SLC25A30: variants seen among roughly 807,000 people sequenced by gnomAD.
SLC25A30 encodes the protein solute carrier family 25 member 30.
A neutral mutation model predicts 42.7 loss-of-function variants in SLC25A30; 29 were observed. That is an observed-to-expected ratio of 0.68 (90% CI 0.51 to 0.93). SLC25A30 has a LOEUF of 0.93. Among genes scored for constraint, SLC25A30 ranks in the 40% least tolerant of loss-of-function variants. The pLI is 0.00. For synonymous variants in SLC25A30, 124 were observed against 131.0 expected, an observed-to-expected ratio of 0.95 and a Z score of 0.37; for missense variants, 300 against 359.7, an observed-to-expected ratio of 0.83 and a Z score of 1.34.
chr13:45,423,741 A>AATATATAAATATATATAAAC, the SLC25A30 span, among the ~76,000 whole-genome samples: 2 of 19,636 alleles, frequency 1.0e-4, 1 homozygote, highest in African/African-American at 6.2e-4. Context: ...AATATATATA[A>AATATATAAATATATATAAAC]ATATATAAAT....
At chr13:45,425,575 T>C in the SLC25A30 span, among the ~76,000 whole-genome samples, 4 of 79,432 alleles carry the variant, frequency 5.0e-5, 1 homozygote, top group African/African-American at 1.1e-4. Flanking sequence ...TATATATAAG[T>C]ATATATATAA....
rs1883019563 is a variant in SLC25A30 at position 45,411,446 on chromosome 13, G to A, written c.-21C>T. On this transcript the variant is annotated 5_prime_UTR_variant, in exon 2 of 10. Transcript: ENST00000519676. The stretch of plus-strand genomic sequence containing the variant: ...GACATTCTCACACTGTCTCTTCTTT[G>A]ATTTATAGAAACATTGCCTCCAGTG... 6.2e-7 allele frequency: 1 copy of A among 1,613,604 alleles called. No individual in the cohort carries two copies. The highest frequency in any genetic ancestry group is 8.5e-7 in the Non-Finnish European group (1 of 1,179,684).
chr13:45,409,783 A>G (rs1229384542), intron 2 of SLC25A30, among the ~76,000 whole-genome samples: 2 of 152,214 alleles, frequency 1.3e-5, no homozygotes, highest in Non-Finnish European at 2.9e-5. Flanking sequence ...TACTCCAGAC[A>G]GGGTGACAGA....
rs1178142630 is a variant in SLC25A30, at chr13:45,400,045, C to T, written c.615-967G>A. Among the ~76,000 whole-genome samples the T allele has an allele frequency of 6.8e-3, 613 of 89,502 alleles. 5 individuals carry two copies. The highest frequency in any genetic ancestry group is 0.01 in the African/African-American group (225 of 22,018). The allele number at this position is 89,502 out of a possible 152,430, so 58.7% of individuals were successfully genotyped here. ...ATATATATATATATACACACACACA[C>T]ACACACACACACACACACACATATG... On this transcript the variant is annotated intron_variant, in intron 7 of 9. Transcript: ENST00000519676.
the SLC25A30 span, among the ~76,000 whole-genome samples, chr13:45,424,131 A>T: frequency 5.2e-5 from 4 of 76,984 alleles, no homozygotes; most frequent in African/African-American, 2.3e-4. Context: ...ATATAAATAT[A>T]TAAATATATA....
At chr13:45,425,756 G>C in the SLC25A30 span, among the ~76,000 whole-genome samples, 12 of 144,060 alleles carry the variant, frequency 8.3e-5, no homozygotes, top group Admixed American at 5.2e-4. Context: ...GCAGTGGTGG[G>C]AACTCGGCTC....
At chr13:45,407,428 G>T (rs1593615845) in intron 3 of SLC25A30, among the ~76,000 whole-genome samples, 1 of 151,990 alleles carries the variant, frequency 6.6e-6, no homozygotes. Context: ...GCAGTGGCTT[G>T]TTGTGCCTAT....
Position 45,395,899 on chromosome 13 carries a change from A to G in SLC25A30, c.*75T>C. The G allele has an allele frequency of 1.2e-6, 2 of 1,613,566 alleles. No individual in the cohort carries two copies. Among genetic ancestry groups the G allele is most frequent in the Non-Finnish European group, 1.7e-6 (2 of 1,179,774 alleles). ...TGTGATGAGCCAAGCAGTGAGAAGC[A>G]GAGTGAAACACAGGAAGCTTTGCTG... On this transcript the variant is annotated 3_prime_UTR_variant, in exon 10 of 10. Transcript: ENST00000519676.
chr13:45,396,196 T>G (rs1881302480), intron 9 of SLC25A30, 181 bp from the exon 10 acceptor site: 8 of 1,465,908 alleles, frequency 5.5e-6, no homozygotes. Context: ...AAGGTCAGCT[T>G]GGAGCAGAAA....
At chr13:45,427,692 G>T in the SLC25A30 span, among the ~76,000 whole-genome samples, 10 of 146,858 alleles carry the variant, frequency 6.8e-5, no homozygotes, top group Admixed American at 6.7e-4. Context: ...TATTTTCAGC[G>T]TGGCTTCAGA....
chr13:45,395,198 T>C lies in SLC25A30; in HGVS notation c.*776A>G, dbSNP rs1593592527. On this transcript the variant is annotated 3_prime_UTR_variant, in exon 10 of 10. Coordinates refer to ENST00000519676, the MANE Select transcript of SLC25A30 (RefSeq NM_001010875.4). ...CATTTTACTCATTGAGAAATACATATGCTTTGCTAAAAATCATAAAGCTAA... is the reference window on the plus strand; with the variant it reads ...CATTTTACTCATTGAGAAATACATACGCTTTGCTAAAAATCATAAAGCTAA... 1 of 984,866 alleles carries C rather than the reference T, an allele frequency of 1.0e-6. No homozygotes were observed. Among genetic ancestry groups the C allele is most frequent in the Non-Finnish European group, 1.2e-6 (1 of 829,390 alleles). 61.0% of individuals were successfully genotyped at this position (984,866 alleles called of 1,614,324 possible). A position where few individuals can be genotyped will look rare whatever the true frequency, so the allele number is the denominator to read the frequency against.
At chr13:45,409,098 C>G (rs764167986) in intron 2 of SLC25A30, 24 bp from the exon 3 acceptor site, 12 of 1,565,880 alleles carry the variant, frequency 7.7e-6, no homozygotes, top group South Asian at 1.2e-5. Context: ...AAGAAATTCA[C>G]TTAATAAAAA....
At position 45,398,948 on chromosome 13, in the gene SLC25A30, A is replaced by G. The variant is rs1405135259; in HGVS notation, c.745T>C (p.Leu249=). The change falls in exon 8 of 10, where the codon TTG becomes CTG. Residue 249 remains leucine, a synonymous_variant. Transcript: ENST00000519676. ...CAGACATCTGCTCTTACCTGTAACA[A>G]GCAATCCAGGGTTCCTGTGTAGCCA... is the stretch of plus-strand genomic sequence containing the variant. The part of the protein sequence containing the change: ...CSGYTGTLDC[L]LQTWKNEGFF... The G allele has an allele frequency of 3.1e-6, 5 of 1,613,978 alleles. No homozygotes were observed. In the African/African-American group the frequency reaches 4.0e-5, roughly 13 times the overall value.
chr13:45,426,563 G>T, the SLC25A30 span, among the ~76,000 whole-genome samples: 1 of 152,066 alleles, frequency 6.6e-6, no homozygotes, highest in Non-Finnish European at 1.5e-5. Context: ...ATTGCAGTCT[G>T]GTCTCAGCTG....
the SLC25A30 span, among the ~76,000 whole-genome samples, chr13:45,423,465 T>A: frequency 7.8e-4 from 112 of 143,776 alleles, no homozygotes; most frequent in African/African-American, 2.8e-3. Context: ...ATGGACCAAT[T>A]TATCCAGTAG....
chr13:45,424,099 A>G, the SLC25A30 span, among the ~76,000 whole-genome samples: 1 of 103,936 alleles, frequency 9.6e-6, no homozygotes, highest in Admixed American at 1.5e-4. Context: ...ATCTATAAAT[A>G]TATAAAAATA....
chr13:45,426,203 C>T, the SLC25A30 span, among the ~76,000 whole-genome samples: 2 of 152,022 alleles, frequency 1.3e-5, no homozygotes, highest in Non-Finnish European at 2.9e-5. Context: ...TCTCCTGCCT[C>T]AGCCTCCTGA....
chr13:45,404,256 C>G lies in SLC25A30; in HGVS notation c.393+71G>C, dbSNP rs563094997. The G allele has an allele frequency of 1.3e-5, 13 of 1,036,994 alleles. No homozygotes were observed. In the African/African-American group the frequency reaches 1.9e-4, roughly 15 times the overall value. 64.2% of individuals were successfully genotyped at this position (1,036,994 alleles called of 1,614,324 possible). On this transcript the variant is annotated intron_variant, in intron 5 of 9. Coordinates refer to ENST00000519676, the MANE Select transcript of SLC25A30 (RefSeq NM_001010875.4). ...TACACAGATGTTACATTCACAGATTCCATTACCCGAATGTTGTTCTCAATA... is the reference window on the plus strand; with the variant it reads ...TACACAGATGTTACATTCACAGATTGCATTACCCGAATGTTGTTCTCAATA...
intron 9 of SLC25A30, chr13:45,396,264 C>T (rs921420440): frequency 5.9e-5 from 80 of 1,363,498 alleles, no homozygotes; most frequent in South Asian, 6.7e-5. Context: ...ATGGCATCTA[C>T]GCTGATAAGC....
Sources: allele counts gnomAD v4.1 joint callset (sites outside exome capture counted in the v4.1 genomes callset), GRCh38; gene constraint gnomAD v4.1.1; transcripts MANE v1.5; gene names NCBI Gene and HGNC (gene_info 2026-07-23, HGNC 2026-07-21).